Variants in AFDN observed in about 807,000 individuals in gnomAD.
AFDN encodes afadin.
Under a neutral mutation model 216.6 loss-of-function variants are expected in AFDN, and 68 were observed. The ratio of observed to expected loss-of-function variants is 0.31; its 90% CI spans 0.26 to 0.38. The LOEUF is 0.38. Among genes scored for constraint, AFDN ranks in the 10% least tolerant of loss-of-function variants. The probability of loss-of-function intolerance (pLI) is 1.00; values close to 1 mark genes in which losing one functional copy is unlikely to be tolerated. For missense variants in AFDN, 2,136 were observed against 2,342.0 expected (o/e 0.91, Z 1.82); for synonymous variants, 868 against 853.7 (o/e 1.02, Z -0.29).
chr6:167,894,924 T>C (rs1788045264), intron 9 of AFDN, among the ~76,000 whole-genome samples: 1 of 152,248 alleles, frequency 6.6e-6, no homozygotes, highest in Non-Finnish European at 1.5e-5. Context: ...AACTTTGCGT[T>C]GAAATGTTCT....
At position 167,971,667 on chromosome 6, in the gene AFDN, A is replaced by T. The variant is rs1798034076; in HGVS notation, c.*1732A>T. 1.5e-5 allele frequency: 3 copies of T among 196,638 alleles called. No individual in the cohort carries two copies. The highest frequency in any genetic ancestry group is 1.2e-4 in the Admixed American group (2 of 16,444). The allele number at this position is 196,638 out of a possible 1,614,324, so 12.2% of individuals were successfully genotyped here. Reference sequence around the variant, plus strand: ...ATTACTTTTCTGTTAATATATAGAAAAATACACAGGAGAACATGCAGATAC... The same window carrying T: ...ATTACTTTTCTGTTAATATATAGAATAATACACAGGAGAACATGCAGATAC... On this transcript the variant is annotated 3_prime_UTR_variant, in exon 34 of 34. Coordinates refer to ENST00000683244, the MANE Select transcript of AFDN (RefSeq NM_001386888.1).
At chr6:167,930,335 A>G (rs376955113) in intron 23 of AFDN, among the ~76,000 whole-genome samples, 18 of 152,352 alleles carry the variant, frequency 1.2e-4, no homozygotes, top group African/African-American at 3.4e-4. Context: ...TGAGATGTCT[A>G]TGATCTTAGT....
intron 2 of AFDN, among the ~76,000 whole-genome samples, chr6:167,867,492 T>C (rs1201773961): frequency 6.6e-6 from 1 of 150,994 alleles, no homozygotes; most frequent in Non-Finnish European, 1.5e-5. Context: ...TGCAGCGGCA[T>C]GATCTTGGCT....
intron 1 of AFDN, among the ~76,000 whole-genome samples, chr6:167,846,915 A>G (rs1443231139): frequency 6.6e-6 from 1 of 152,134 alleles, no homozygotes; most frequent in African/African-American, 2.4e-5. Flanking sequence ...TAATTGTATT[A>G]TTGTTTTGCC....
intron 1 of AFDN, among the ~76,000 whole-genome samples, chr6:167,836,523 T>C (rs1358679124): frequency 1.3e-5 from 2 of 152,092 alleles, no homozygotes; most frequent in African/African-American, 2.4e-5. Context: ...CAAAATAATA[T>C]GTGGATATAT....
chr6:167,960,119 C>T (rs1419974869), intron 30 of AFDN, among the ~76,000 whole-genome samples: 2 of 152,126 alleles, frequency 1.3e-5, no homozygotes, highest in African/African-American at 4.8e-5. Flanking sequence ...AAGAGATTCT[C>T]GTTTTTCTCA....
intron 6 of AFDN, among the ~76,000 whole-genome samples, chr6:167,881,773 C>A (rs1371000339): frequency 1.3e-5 from 2 of 152,164 alleles, no homozygotes; most frequent in Admixed American, 1.3e-4. Context: ...AGGGTCTTCA[C>A]TGAAAACAGG....
Position 167,970,966 on chromosome 6 carries a change from T to C in AFDN, c.*1031T>C, listed in dbSNP as rs1797982149. ...TTAAATATTGTAAGAATAACTCATA[T>C]GGAAGTTCAAGCTATTTTTATACTA... On this transcript the variant is annotated 3_prime_UTR_variant, in exon 34 of 34. Transcript: ENST00000683244. The C allele has an allele frequency of 4.7e-6, 1 of 213,242 alleles. No homozygotes were observed. Among genetic ancestry groups the C allele is most frequent in the South Asian group, 1.9e-4 (1 of 5,358 alleles). 13.2% of individuals were successfully genotyped at this position (213,242 alleles called of 1,614,324 possible).
At chr6:167,969,077 A>G in intron 32 of AFDN, 37 bp from the exon 33 acceptor site, 7 of 1,459,990 alleles carry the variant, frequency 4.8e-6, no homozygotes, top group Non-Finnish European at 6.7e-6. Context: ...AGAAATAATC[A>G]GGTACTTTAA....
chr6:167,953,705 C>T (rs1474625653), intron 30 of AFDN, among the ~76,000 whole-genome samples: 1 of 152,144 alleles, frequency 6.6e-6, no homozygotes, highest in Non-Finnish European at 1.5e-5. Flanking sequence ...CTGCATTCCC[C>T]TCCCCATCAG....
chr6:167,844,979 C>T (rs1781502692), intron 1 of AFDN, among the ~76,000 whole-genome samples: 1 of 151,578 alleles, frequency 6.6e-6, no homozygotes, highest in South Asian at 2.1e-4. Flanking sequence ...CACGTCTCAG[C>T]CTCCTGAGTA....
intron 20 of AFDN, among the ~76,000 whole-genome samples, chr6:167,918,314 C>T (rs758894478): frequency 1.5e-4 from 23 of 152,000 alleles, no homozygotes; most frequent in Non-Finnish European, 2.1e-4. Context: ...TATTTGATTC[C>T]GGTCTTTTAT....
At chr6:167,909,608 CTGT>C (rs1035129455) in intron 13 of AFDN, among the ~76,000 whole-genome samples, 2 of 152,144 alleles carry the variant, frequency 1.3e-5, no homozygotes, top group African/African-American at 4.8e-5. Flanking sequence ...GCTGAAATGA[CTGT>C]TGTTGAAGTC....
intron 1 of AFDN, among the ~76,000 whole-genome samples, chr6:167,846,234 T>C (rs1199053548): frequency 6.6e-6 from 1 of 151,934 alleles, no homozygotes; most frequent in East Asian, 1.9e-4. Flanking sequence ...GAGGTTCAAA[T>C]TTATTAAACT....
At chr6:167,905,724 A>T (rs930512809) in intron 12 of AFDN, among the ~76,000 whole-genome samples, 2 of 148,074 alleles carry the variant, frequency 1.4e-5, no homozygotes, top group Non-Finnish European at 2.9e-5. Context: ...TTCTTTATCC[A>T]TTGCCCTATT....
At chr6:167,892,381 A>G (rs1339506786) in intron 8 of AFDN, among the ~76,000 whole-genome samples, 2 of 152,236 alleles carry the variant, frequency 1.3e-5, no homozygotes, top group African/African-American at 4.8e-5. Context: ...AATGGCAACT[A>G]TGAAGCAGCC....
At chr6:167,964,602 T>A in intron 31 of AFDN, 1 of 1,060,748 alleles carries the variant, frequency 9.4e-7, no homozygotes. Context: ...GGAGTGACAT[T>A]GCGTATTCAC....
chr6:167,951,504 G>A lies in AFDN; in HGVS notation c.4150G>A (p.Gly1384Ser), dbSNP rs368840180. ...PPPPPPVHYA[G>S]DFDGMSMDLP... ...CCCGCCACCTCCAGTCCACTATGCC[G>A]GTGATTTCGATGGAATGTCCATGGA... is the stretch of plus-strand genomic sequence containing the variant. The change falls in exon 30 of 34, where the codon GGT (glycine) becomes AGT (serine). Residue 1384 changes from glycine to serine, a missense_variant. By Grantham distance (56) the Gly-to-Ser change is moderately conservative. Transcript: ENST00000683244. This position sits in a 1 kb window ranked among gnomAD's most constrained non-coding sequence, Gnocchi z 7.1. The A allele has an allele frequency of 5.6e-6, 9 of 1,613,862 alleles. No homozygotes were observed. The highest frequency in any genetic ancestry group is 2.2e-5 in the East Asian group (1 of 44,866).
intron 32 of AFDN, among the ~76,000 whole-genome samples, chr6:167,967,904 C>G (rs1290488200): frequency 6.6e-6 from 1 of 152,078 alleles, no homozygotes; most frequent in Non-Finnish European, 1.5e-5. Flanking sequence ...TGGGCTTCTT[C>G]CACTGGACAG....
Sources: gnomAD v4.1 joint callset for allele counts (sites outside exome capture counted in the v4.1 genomes callset) on GRCh38, gnomAD v4.1.1 for gene constraint, Gnocchi (gnomAD v3.1) non-coding constraint, MANE v1.5 for transcripts, NCBI Gene and HGNC (gene_info 2026-07-23, HGNC 2026-07-21) for gene names.